The following KLRF1 variants were observed in gnomAD, a reference collection of about 807,000 sequenced individuals.
KLRF1 encodes killer cell lectin like receptor F1.
A neutral mutation model predicts 30.7 loss-of-function variants in KLRF1; 27 were observed. The ratio of observed to expected loss-of-function variants is 0.88; its 90% CI spans 0.65 to 1.21. KLRF1 has a LOEUF of 1.21. KLRF1 is among the 50% of genes most tolerant of loss of function. KLRF1 has a pLI of 0.00. For synonymous variants in KLRF1, 92 were observed against 89.3 expected (o/e 1.03, Z -0.17); for missense variants, 246 against 259.3 (o/e 0.95, Z 0.35).
the KLRF1 span, among the ~76,000 whole-genome samples, chr12:9,813,702 G>A: frequency 6.6e-6 from 1 of 152,162 alleles, no homozygotes; most frequent in East Asian, 1.9e-4. Context: ...GAAGCGACAG[G>A]AAAGCTCTGA....
the KLRF1 span, among the ~76,000 whole-genome samples, chr12:9,822,339 G>A: frequency 2.0e-5 from 3 of 152,184 alleles, no homozygotes; most frequent in Non-Finnish European, 4.4e-5. Flanking sequence ...ATCTGCTAGA[G>A]CTGGAAAACA....
chr12:9,837,960 G>A (rs1311716885), intron 3 of KLRF1, among the ~76,000 whole-genome samples: 2 of 152,202 alleles, frequency 1.3e-5, no homozygotes, highest in Admixed American at 1.3e-4. Flanking sequence ...CCCTGCTTCA[G>A]GGTGAGCCCT....
the KLRF1 span, among the ~76,000 whole-genome samples, chr12:9,803,929 C>G: frequency 1.3e-5 from 2 of 151,940 alleles, no homozygotes; most frequent in African/African-American, 2.4e-5. Flanking sequence ...TTTCTTTTCC[C>G]TCTCCATATA....
the KLRF1 span, among the ~76,000 whole-genome samples, chr12:9,816,659 T>C: frequency 1.3e-5 from 2 of 152,046 alleles, no homozygotes; most frequent in East Asian, 3.9e-4. Flanking sequence ...ATCTTTCCTG[T>C]CTAGGTAGAT....
intron 3 of KLRF1, among the ~76,000 whole-genome samples, chr12:9,840,446 A>T (rs1294911289): frequency 1.3e-5 from 2 of 152,100 alleles, no homozygotes; most frequent in South Asian, 4.1e-4. Flanking sequence ...ATATATTTTT[A>T]TATATATCTC....
the KLRF1 span, among the ~76,000 whole-genome samples, chr12:9,806,611 G>A: frequency 4.6e-5 from 7 of 152,022 alleles, no homozygotes; most frequent in Admixed American, 4.6e-4. Flanking sequence ...CTGTTTACTA[G>A]AACTATTAAC....
intron 1 of KLRF1, among the ~76,000 whole-genome samples, chr12:9,831,615 T>C (rs147446164): frequency 2.0e-5 from 3 of 152,276 alleles, no homozygotes; most frequent in African/African-American, 7.2e-5. Context: ...TAATTATTCA[T>C]GTAATTTCGT....
intron 2 of KLRF1, among the ~76,000 whole-genome samples, chr12:9,832,656 AGT>A (rs58686028): frequency 0.74 from 107,793 of 146,586 alleles, 40,744 homozygotes; most frequent in South Asian, 0.84. Context: ...GTATGTGTAG[AGT>A]GTGTGTGTGT....
intron 3 of KLRF1, 73 bp downstream of exon 3, chr12:9,833,525 G>A: frequency 7.9e-7 from 1 of 1,267,892 alleles, no homozygotes; most frequent in Non-Finnish European, 1.0e-6. Flanking sequence ...TTTTTGAACA[G>A]GTATGCAATA....
At chr12:9,839,230 C>G (rs937915397) in intron 3 of KLRF1, among the ~76,000 whole-genome samples, 29 of 152,060 alleles carry the variant, frequency 1.9e-4, no homozygotes, top group African/African-American at 6.8e-4. Context: ...ATTGTAATCT[C>G]TCATGGCAGA....
chr12:9,827,151 C>T (rs56868322), upstream of KLRF1, among the ~76,000 whole-genome samples: 8 of 152,010 alleles, frequency 5.3e-5, no homozygotes, highest in African/African-American at 1.9e-4. Flanking sequence ...GTTAGGGAGG[C>T]TAATTCAAAT....
chr12:9,821,472 C>A, the KLRF1 span, among the ~76,000 whole-genome samples: 4 of 152,168 alleles, frequency 2.6e-5, no homozygotes, highest in African/African-American at 9.7e-5. Flanking sequence ...CTGCACACTT[C>A]CCCTGCTCAT....
At chr12:9,811,319 C>CA in the KLRF1 span, among the ~76,000 whole-genome samples, 13 of 62,184 alleles carry the variant, frequency 2.1e-4, no homozygotes, top group African/African-American at 6.6e-4. Flanking sequence ...AGAAGTAGTC[C>CA]AAAAAAAAAA....
At chr12:9,801,648 T>C in the KLRF1 span, among the ~76,000 whole-genome samples, 3 of 152,176 alleles carry the variant, frequency 2.0e-5, no homozygotes, top group South Asian at 4.1e-4. Flanking sequence ...ATGTCTTCTT[T>C]TGAGAAGTGT....
At chr12:9,837,989 A>G (rs1211254168) in intron 3 of KLRF1, among the ~76,000 whole-genome samples, 1 of 152,158 alleles carries the variant, frequency 6.6e-6, no homozygotes, top group African/African-American at 2.4e-5. Flanking sequence ...GAGAGTTTAT[A>G]TCGGACCCCA....
chr12:9,812,056 A>C, the KLRF1 span, among the ~76,000 whole-genome samples: 1 of 152,204 alleles, frequency 6.6e-6, no homozygotes, highest in East Asian at 1.9e-4. Flanking sequence ...GCCATTCATC[A>C]ATAAAGAATG....
chr12:9,832,462 T>G (rs753998657), intron 2 of KLRF1, 48 bp downstream of exon 2: 3 of 1,034,640 alleles, frequency 2.9e-6, no homozygotes, highest in Non-Finnish European at 4.4e-6. Flanking sequence ...AGATGTTTAC[T>G]TGTCTCTTAT....
At chr12:9,806,690 A>AT in the KLRF1 span, among the ~76,000 whole-genome samples, 3 of 151,416 alleles carry the variant, frequency 2.0e-5, no homozygotes, top group Admixed American at 6.6e-5. Context: ...TCATTTTTCT[A>AT]TTTTTTTTAG....
rs144584560 is a variant in KLRF1 at position 9,827,922 on chromosome 12, A to G, written c.85+293A>G. Among the ~76,000 whole-genome samples, 452 of 152,316 alleles carry G rather than the reference A, an allele frequency of 3.0e-3. 2 individuals carry two copies. Among genetic ancestry groups the G allele is most frequent in the African/African-American group, 9.8e-3 (409 of 41,572 alleles). On this transcript the variant is annotated intron_variant, in intron 1 of 5. Transcript: ENST00000617889. ...TAATCTCTCTCTCTCCCATTTATCA[A>G]TGTGGAACTAACACTTACTTGTAAT...
Sources: gnomAD v4.1 joint callset for allele counts (sites outside exome capture counted in the v4.1 genomes callset) on GRCh38, gnomAD v4.1.1 for gene constraint, MANE v1.5 for transcripts, NCBI Gene and HGNC (gene_info 2026-07-23, HGNC 2026-07-21) for gene names.